The following NLGN1 variants were observed in gnomAD, a reference collection of about 807,000 sequenced individuals.
NLGN1 encodes neuroligin-1.
In NLGN1, 12 loss-of-function variants were observed where a neutral mutation model predicts 65.5. The observed-to-expected ratio is 0.18, with a 90% CI of 0.12 to 0.30. NLGN1 has a LOEUF of 0.30. NLGN1 is among the 10% of genes least tolerant of loss of function. The probability of loss-of-function intolerance (pLI) is 1.00; values close to 1 mark genes in which losing one functional copy is unlikely to be tolerated. For synonymous variants in NLGN1, 350 were observed against 359.5 expected (o/e 0.97, Z 0.30); for missense variants, 750 against 1,007.1 (o/e 0.74, Z 3.46).
At chr3:173,530,991 C>A (rs1736471869) in intron 2 of NLGN1, among the ~76,000 whole-genome samples, 1 of 151,998 alleles carries the variant, frequency 6.6e-6, no homozygotes, top group Non-Finnish European at 1.5e-5. Context: ...CTTTTAAAAT[C>A]GTTCTTTCTT....
intron 2 of NLGN1, among the ~76,000 whole-genome samples, chr3:173,506,965 G>A (rs2149081101): frequency 6.6e-6 from 1 of 152,246 alleles, no homozygotes; most frequent in East Asian, 1.9e-4. Flanking sequence ...TTTTTCAAAT[G>A]GTTGTGCAAG....
chr3:173,637,658 T>C (rs1333327111), intron 3 of NLGN1, among the ~76,000 whole-genome samples: 1 of 152,124 alleles, frequency 6.6e-6, no homozygotes, highest in Non-Finnish European at 1.5e-5. Flanking sequence ...GGCATGTCTA[T>C]GTAGGACAGA....
chr3:173,666,877 C>T (rs7648295), intron 3 of NLGN1, among the ~76,000 whole-genome samples: 61,804 of 151,898 alleles, frequency 0.41, 13,326 homozygotes, highest in African/African-American at 0.56. Context: ...AAACACAGAT[C>T]AACAAACAGA....
intron 4 of NLGN1, among the ~76,000 whole-genome samples, chr3:174,032,260 G>A (rs1000948921): frequency 2.6e-5 from 4 of 152,158 alleles, no homozygotes; most frequent in African/African-American, 9.7e-5. Context: ...GGAATTTCTA[G>A]TTTAATGTGA....
chr3:173,792,084 C>T (rs1339534847), intron 3 of NLGN1, among the ~76,000 whole-genome samples: 2 of 152,086 alleles, frequency 1.3e-5, no homozygotes, highest in Non-Finnish European at 2.9e-5. Context: ...AAAAGAGGAT[C>T]AACTCATGTG....
intron 4 of NLGN1, among the ~76,000 whole-genome samples, chr3:174,090,895 G>A (rs1402302432): frequency 2.0e-5 from 3 of 151,988 alleles, no homozygotes; most frequent in African/African-American, 7.3e-5. Flanking sequence ...CACATCCAGG[G>A]GATTCTTATT....
chr3:173,535,598 T>TTC (rs1485033802), intron 2 of NLGN1, among the ~76,000 whole-genome samples: 1 of 152,104 alleles, frequency 6.6e-6, no homozygotes, highest in African/African-American at 2.4e-5. Flanking sequence ...GCTGCTCAGA[T>TTC]TATCAGACAC....
chr3:173,736,525 T>G (rs995886360), intron 3 of NLGN1, among the ~76,000 whole-genome samples: 8 of 152,078 alleles, frequency 5.3e-5, no homozygotes, highest in Non-Finnish European at 1.2e-4. Flanking sequence ...TAAGATGAGA[T>G]TCAGCCTTCT....
rs551360152 is a variant in NLGN1, at chr3:173,484,788, C to T, written c.-321+49710C>T. ...AGATGGACATACCCTTTGATCTGTT[C>T]ATTTATATGACTCAAAGGAACAGTG... is the stretch of plus-strand genomic sequence containing the variant. On this transcript the variant is annotated intron_variant, in intron 2 of 6. Transcript: ENST00000457714. Among the ~76,000 whole-genome samples, 3 of 152,134 alleles carry T rather than the reference C, an allele frequency of 2.0e-5. No individual in the cohort carries two copies. In the South Asian group the frequency reaches 6.2e-4, roughly 32 times the overall value.
At chr3:174,027,707 AT>A (rs780388283) in intron 4 of NLGN1, among the ~76,000 whole-genome samples, 2 of 152,164 alleles carry the variant, frequency 1.3e-5, no homozygotes, top group Non-Finnish European at 2.9e-5. Flanking sequence ...TGTCTAATGA[AT>A]TTTTAAAAGC....
At chr3:174,134,262 C>T (rs1011129130) in intron 4 of NLGN1, among the ~76,000 whole-genome samples, 10 of 152,082 alleles carry the variant, frequency 6.6e-5, no homozygotes, top group African/African-American at 2.4e-4. Context: ...GAGTGACTGG[C>T]TGCCGGGGAA....
chr3:173,526,763 T>G (rs770440205), intron 2 of NLGN1, among the ~76,000 whole-genome samples: 5 of 152,222 alleles, frequency 3.3e-5, no homozygotes, highest in Admixed American at 6.5e-5. Flanking sequence ...CTTTCCAGCC[T>G]CTGCTAACCA....
chr3:174,118,586 A>G (rs1717067022), intron 4 of NLGN1, among the ~76,000 whole-genome samples: 1 of 152,182 alleles, frequency 6.6e-6, no homozygotes, highest in South Asian at 2.1e-4. Context: ...AGAAGGAGCT[A>G]GTGAGGAAAC....
chr3:173,710,944 C>T (rs1324452057), intron 3 of NLGN1, among the ~76,000 whole-genome samples: 1 of 152,224 alleles, frequency 6.6e-6, no homozygotes, highest in East Asian at 1.9e-4. Context: ...AAGCATTATT[C>T]CAGTGAAACT....
chr3:173,657,728 G>A (rs1577784387), intron 3 of NLGN1, among the ~76,000 whole-genome samples: 2 of 151,930 alleles, frequency 1.3e-5, no homozygotes, highest in East Asian at 3.9e-4. Flanking sequence ...CCCCAGATCT[G>A]GTTACTTTAT....
chr3:173,692,345 A>G (rs1184957679), intron 3 of NLGN1, among the ~76,000 whole-genome samples: 1 of 152,138 alleles, frequency 6.6e-6, no homozygotes, highest in East Asian at 1.9e-4. Context: ...TTCTGTGTGA[A>G]GAAGTTTTTA....
chr3:174,263,751 G>A (rs1325870144), intron 4 of NLGN1, among the ~76,000 whole-genome samples: 1 of 151,588 alleles, frequency 6.6e-6, no homozygotes, highest in Admixed American at 6.6e-5. Flanking sequence ...GATTTTGCTT[G>A]TTAGTTGACG....
chr3:174,163,472 A>G (rs1726945095), intron 4 of NLGN1, among the ~76,000 whole-genome samples: 1 of 151,926 alleles, frequency 6.6e-6, no homozygotes, highest in African/African-American at 2.4e-5. Flanking sequence ...GTACATATAC[A>G]TGTTTGTTAC....
chr3:173,577,714 C>T (rs1440541216), intron 2 of NLGN1, among the ~76,000 whole-genome samples: 2 of 152,142 alleles, frequency 1.3e-5, no homozygotes, highest in Non-Finnish European at 2.9e-5. Flanking sequence ...ATTTTATTCA[C>T]ATACAAGCAA....
Sources: gnomAD v4.1 joint callset for allele counts (sites outside exome capture counted in the v4.1 genomes callset) on GRCh38, gnomAD v4.1.1 for gene constraint, MANE v1.5 for transcripts, NCBI Gene and HGNC (gene_info 2026-07-23, HGNC 2026-07-21) for gene names.